The following SLC25A10 variants were observed in gnomAD, a reference collection of about 807,000 sequenced individuals.
SLC25A10 encodes the protein mitochondrial dicarboxylate carrier.
SLC25A10 carries 32 observed loss-of-function variants against 40.4 expected under a neutral mutation model. The observed-to-expected ratio is 0.79, with a 90% CI of 0.60 to 1.06. The LOEUF (loss-of-function observed/expected upper bound fraction) is 1.06. SLC25A10 is among the 50% of genes least tolerant of loss of function. The pLI, the probability that SLC25A10 is intolerant of heterozygous loss-of-function variation, is 0.00. For synonymous variants in SLC25A10, 181 were observed against 171.1 expected, an observed-to-expected ratio of 1.06 and a Z score of -0.45; for missense variants, 394 against 402.6, an observed-to-expected ratio of 0.98 and a Z score of 0.18.
intron 5 of SLC25A10, 35 bp downstream of exon 5, chr17:81,716,085 G>T: frequency 6.3e-7 from 1 of 1,579,658 alleles, no homozygotes; most frequent in Non-Finnish European, 8.6e-7. Flanking sequence ...GGTGGTTGAG[G>T]TGCAGGAGGC....
rs200901700 is a variant in SLC25A10, at chr17:81,715,776, G to A, written c.377+35G>A. The A allele has an allele frequency of 9.6e-5, 154 of 1,612,422 alleles. No homozygotes were observed. In the African/African-American group the frequency reaches 1.8e-3, roughly 19 times the overall value. On this transcript the variant is annotated intron_variant, in intron 4 of 10. Coordinates refer to ENST00000350690, the MANE Select transcript of SLC25A10 (RefSeq NM_012140.5). ...CCCCCACCCCACCTGCAAGGCCAGG[G>A]GCTTTCTTGTCCCCAGACATGCCAG...
rs1011579296 is a variant in SLC25A10 at position 81,715,497 on chromosome 17, G to A, written c.233G>A (p.Arg78Gln). 12 of 1,612,624 alleles carry A rather than the reference G, an allele frequency of 7.4e-6. No individual in the cohort carries two copies. Among genetic ancestry groups the A allele is most frequent in the Admixed American group, 3.3e-5 (2 of 59,984 alleles). Residue 78 changes from arginine (R) to glutamine (Q), a missense_variant, in exon 3 of 11, where the codon CGG (arginine) becomes CAG (glutamine). Coordinates refer to ENST00000350690, the MANE Select transcript of SLC25A10 (RefSeq NM_012140.5). ...LCRQMTYSLT[R>Q]FAIYETVRDR... ...CCCCAGATGACCTACTCCCTGACTC[G>A]GTTCGCCATCTACGAGACTGTGCGG... is the stretch of plus-strand genomic sequence containing the variant.
intron 1 of SLC25A10, chr17:81,713,232 A>G (rs2037417614): frequency 2.0e-5 from 3 of 153,292 alleles, no homozygotes; most frequent in Admixed American, 1.3e-4. Context: ...TTATGGGGCA[A>G]AATAAGACAG....
chr17:81,717,272 T>C (rs1287641054), intron 7 of SLC25A10, 127 bp from the exon 8 acceptor site: 2 of 1,081,526 alleles, frequency 1.8e-6, no homozygotes, highest in East Asian at 2.4e-5. Flanking sequence ...CTCCCCTGTC[T>C]GGGCCTCACG....
At chr17:81,719,199 C>CTGGG (rs1338766403) in intron 9 of SLC25A10, among the ~76,000 whole-genome samples, 1 of 151,752 alleles carries the variant, frequency 6.6e-6, no homozygotes, top group East Asian at 2.0e-4. Context: ...TCCCAAAGTG[C>CTGGG]TGGGATTACA....
chr17:81,717,027 T>G lies in SLC25A10; in HGVS notation c.489T>G (p.Gly163=), dbSNP rs2037502073. ...AGGGTCTCAGGAGACTGTTCTCGGG[T>G]GCAACCATGGCATCCAGCCGAGGGG... ...REEGLRRLFS[G]ATMASSRGAL... The change falls in exon 7 of 11, where the codon GGT becomes GGG. Residue 163 remains glycine, a synonymous_variant. Coordinates refer to ENST00000350690, the MANE Select transcript of SLC25A10 (RefSeq NM_012140.5). 6.2e-7 allele frequency: 1 copy of G among 1,613,592 alleles called. No homozygotes were observed. Among genetic ancestry groups the G allele is most frequent in the African/African-American group, 1.3e-5 (1 of 74,902 alleles).
At position 81,716,043 on chromosome 17, in the gene SLC25A10, C is replaced by A; in HGVS notation, c.412C>A (p.Arg138=). Residue 138 remains arginine (R), a synonymous_variant, in exon 5 of 11, where the codon CGG becomes AGG. Coordinates refer to ENST00000350690, the MANE Select transcript of SLC25A10 (RefSeq NM_012140.5). ...QNDVKLPQGQ[R]RNYAHALDGL... is the part of the protein sequence containing the mutation. The stretch of plus-strand genomic sequence containing the variant: ...CGACGTGAAGCTGCCCCAGGGTCAG[C>A]GGCGCAAGTGAGTCATGGGCGGCCT... 1 of 1,597,696 alleles carries A rather than the reference C, an allele frequency of 6.3e-7. No homozygotes were observed. Among genetic ancestry groups the A allele is most frequent in the African/African-American group, 1.3e-5 (1 of 74,674 alleles).
intron 3 of SLC25A10, 31 bp downstream of exon 3, chr17:81,715,623 C>T (rs377017684): frequency 1.5e-5 from 24 of 1,610,822 alleles, no homozygotes; most frequent in South Asian, 6.6e-5. Flanking sequence ...GGGAGGGGCG[C>T]GGGGTGGTCA....
Position 81,720,502 on chromosome 17 carries a change from C to G in SLC25A10, c.*425C>G, listed in dbSNP as rs1011766162. On this transcript the variant is annotated 3_prime_UTR_variant, in exon 11 of 11. Coordinates refer to ENST00000350690, the MANE Select transcript of SLC25A10 (RefSeq NM_012140.5). ...GAGTGTGGGTGCAGCCTGGCTGTTG[C>G]TCACCCAAGTGCTAGCTCTGCACTT... 1.5e-6 allele frequency: 2 copies of G among 1,316,916 alleles called. No individual in the cohort carries two copies. The highest frequency in any genetic ancestry group is 7.2e-5 in the Admixed American group (2 of 27,676). The allele number at this position is 1,316,916 out of a possible 1,614,324, so 81.6% of individuals were successfully genotyped here.
At chr17:81,714,019 C>T (rs531479526) in intron 1 of SLC25A10, among the ~76,000 whole-genome samples, 5 of 152,328 alleles carry the variant, frequency 3.3e-5, no homozygotes, top group South Asian at 4.1e-4. Flanking sequence ...CAGTCCCTAC[C>T]GTCGCATCTG....
intron 5 of SLC25A10, 58 bp downstream of exon 5, chr17:81,716,108 G>C (rs980913038): frequency 7.8e-6 from 12 of 1,537,016 alleles, no homozygotes; most frequent in Non-Finnish European, 1.1e-5. Context: ...GGGCGGGAGC[G>C]GACCCCTGGC....
chr17:81,714,475 A>G (rs1424284239), intron 1 of SLC25A10, among the ~76,000 whole-genome samples: 2 of 152,164 alleles, frequency 1.3e-5, no homozygotes, highest in Non-Finnish European at 2.9e-5. Context: ...CTGCCTTTCA[A>G]GGCCTTCTAT....
intron 9 of SLC25A10, among the ~76,000 whole-genome samples, chr17:81,719,063 C>G (rs182690943): frequency 6.6e-6 from 1 of 151,500 alleles, no homozygotes; most frequent in African/African-American, 2.4e-5. Context: ...TCCCAAGTAG[C>G]TGGGATTACA....
rs1470611766 is a variant in SLC25A10, at chr17:81,717,862, G to A, written c.705+1G>A. 1 of 1,605,478 alleles carries A rather than the reference G, an allele frequency of 6.2e-7. No individual in the cohort carries two copies. The highest frequency in any genetic ancestry group is 1.7e-4 in the Middle Eastern group (1 of 5,882). ...GATGAACTCCAAGGGGGAGTATCAG[G>A]TGAGTGGGGCCCTGCCTGTGCAGTT... On this transcript the variant is annotated splice_donor_variant, in intron 9 of 10. Coordinates refer to ENST00000350690, the MANE Select transcript of SLC25A10 (RefSeq NM_012140.5). LOFTEE classifies it high-confidence loss of function.
chr17:81,715,605 G>C lies in SLC25A10; in HGVS notation c.328+13G>C, dbSNP rs770040317. On this transcript the variant is annotated intron_variant, in intron 3 of 10. Coordinates refer to ENST00000350690, the MANE Select transcript of SLC25A10 (RefSeq NM_012140.5). ...GGCTCCGTCAGCGGTGAGCTGCCGG[G>C]CGGGAGGGGGAGGGGCGCGGGGTGG... 1 of 1,611,970 alleles carries C rather than the reference G, an allele frequency of 6.2e-7. No individual in the cohort carries two copies. Among genetic ancestry groups the C allele is most frequent in the Admixed American group, 1.7e-5 (1 of 60,014 alleles).
chr17:81,719,712 C>G, intron 9 of SLC25A10, 119 bp from the exon 10 acceptor site: 1 of 1,239,024 alleles, frequency 8.1e-7, no homozygotes, highest in Non-Finnish European at 1.2e-6. Context: ...CACACCCACA[C>G]CCACACCCCA....
chr17:81,718,743 TGGA>T (rs2037534834), intron 9 of SLC25A10, among the ~76,000 whole-genome samples: 2 of 151,324 alleles, frequency 1.3e-5, no homozygotes, highest in Non-Finnish European at 2.9e-5. Context: ...AGTCAGGAGT[TGGA>T]GACCAGCCTG....
At chr17:81,715,762 C>A in intron 4 of SLC25A10, 21 bp downstream of exon 4, 6 of 1,613,024 alleles carry the variant, frequency 3.7e-6, no homozygotes, top group Non-Finnish European at 5.1e-6. Context: ...CCCCACCCCA[C>A]CTGCAAGGCC....
intron 9 of SLC25A10, among the ~76,000 whole-genome samples, chr17:81,719,036 A>G (rs2037541038): frequency 6.7e-6 from 1 of 148,470 alleles, no homozygotes; most frequent in South Asian, 2.1e-4. Flanking sequence ...GGATCAAGCG[A>G]TTCTCCTGCC....
Sources: gnomAD v4.1 joint callset for allele counts (sites outside exome capture counted in the v4.1 genomes callset) on GRCh38, gnomAD v4.1.1 for gene constraint, MANE v1.5 for transcripts, NCBI Gene and HGNC (gene_info 2026-07-23, HGNC 2026-07-21) for gene names.